GREB1L: variants seen among roughly 807,000 people sequenced by gnomAD.
The protein encoded by GREB1L is GREB1 like retinoic acid receptor coactivator.
In GREB1L, 17 loss-of-function variants were observed where a neutral mutation model predicts 200.8. The ratio of observed to expected loss-of-function variants is 0.08; its 90% CI spans 0.06 to 0.13. The LOEUF is 0.13. Ranked by LOEUF, GREB1L falls within the 10% of genes least tolerant of loss-of-function variation. The pLI is 1.00. For missense variants in GREB1L, 1,657 were observed against 2,367.7 expected (o/e 0.70, Z 6.23); for synonymous variants, 789 against 893.0 (o/e 0.88, Z 2.08).
intron 1 of GREB1L, among the ~76,000 whole-genome samples, chr18:21,301,615 G>A (rs1014752797): frequency 6.6e-6 from 1 of 152,102 alleles, no homozygotes; most frequent in Non-Finnish European, 1.5e-5. Flanking sequence ...GGTTTCTTAT[G>A]GCCATCTTTC....
intron 1 of GREB1L, among the ~76,000 whole-genome samples, chr18:21,327,388 C>G (rs1262696111): frequency 2.0e-5 from 3 of 152,172 alleles, no homozygotes; most frequent in Non-Finnish European, 2.9e-5. Flanking sequence ...CCTGTCGACT[C>G]AGCATCCTAC....
intron 1 of GREB1L, among the ~76,000 whole-genome samples, chr18:21,255,607 A>G (rs1311755920): frequency 3.3e-5 from 5 of 152,218 alleles, no homozygotes; most frequent in African/African-American, 1.2e-4. Flanking sequence ...AAAGATGAAG[A>G]ACACTGCTTT....
At chr18:21,244,547 C>T (rs1488868759) in intron 1 of GREB1L, among the ~76,000 whole-genome samples, 1 of 152,132 alleles carries the variant, frequency 6.6e-6, no homozygotes. Context: ...TTTAAGGGTC[C>T]TTCGAACTCC....
chr18:21,426,255 C>T (rs1204342761), intron 7 of GREB1L, among the ~76,000 whole-genome samples: 2 of 152,072 alleles, frequency 1.3e-5, no homozygotes, highest in East Asian at 3.9e-4. Context: ...ACGGGGGTTT[C>T]ACCATGTTAA....
In GREB1L at chr18:21,307,667, G is replaced by A. The variant is rs539402174; in HGVS notation, c.-119-58360G>A. Among the ~76,000 whole-genome samples, 24 of 152,060 alleles carry A rather than the reference G, an allele frequency of 1.6e-4. No individual in the cohort carries two copies. The East Asian group carries it at 2.1e-3, about 14-fold the overall frequency. ...TCCTCTACCCTAAGTCTCCCTACCC[G>A]GGAGGCTGTCTGTGAGGACCACAGT... is the stretch of plus-strand genomic sequence containing the variant. On this transcript the variant is annotated intron_variant, in intron 1 of 32. Coordinates refer to ENST00000424526, the MANE Select transcript of GREB1L (RefSeq NM_001142966.3).
At chr18:21,324,902 G>A (rs1434152005) in intron 1 of GREB1L, among the ~76,000 whole-genome samples, 3 of 152,224 alleles carry the variant, frequency 2.0e-5, no homozygotes, top group South Asian at 2.1e-4. Flanking sequence ...GTTAATTGCT[G>A]CATATGAGGA....
intron 2 of GREB1L, among the ~76,000 whole-genome samples, chr18:21,379,415 A>T (rs1312190322): frequency 6.6e-6 from 1 of 152,120 alleles, no homozygotes. Flanking sequence ...CATGTTGGTC[A>T]GGCTGGTCTC....
chr18:21,286,879 G>A (rs1295643647), intron 1 of GREB1L, among the ~76,000 whole-genome samples: 1 of 152,190 alleles, frequency 6.6e-6, no homozygotes. Context: ...ACTCCTGAAT[G>A]CAAGCCACCC....
At chr18:21,244,614 G>A (rs1367709454) in intron 1 of GREB1L, among the ~76,000 whole-genome samples, 1 of 152,224 alleles carries the variant, frequency 6.6e-6, no homozygotes, top group Non-Finnish European at 1.5e-5. Flanking sequence ...CCATTGGACT[G>A]TGGATGTTAG....
chr18:21,504,162 G>A (rs1264865996), intron 23 of GREB1L, among the ~76,000 whole-genome samples: 1 of 152,116 alleles, frequency 6.6e-6, no homozygotes, highest in Non-Finnish European at 1.5e-5. Flanking sequence ...GACCTCAAAT[G>A]ATCTGCCTGC....
intron 17 of GREB1L, among the ~76,000 whole-genome samples, chr18:21,483,196 C>T (rs1326549236): frequency 3.9e-5 from 6 of 152,272 alleles, no homozygotes; most frequent in African/African-American, 1.4e-4. Context: ...TGCATCGTAT[C>T]CAGCAGTTCT....
intron 1 of GREB1L, among the ~76,000 whole-genome samples, chr18:21,359,765 T>A (rs560271606): frequency 8.5e-5 from 13 of 152,354 alleles, no homozygotes; most frequent in African/African-American, 2.9e-4. Context: ...TCCTCTGTGG[T>A]ACATCAATTA....
chr18:21,514,720 G>A (rs372524021), intron 28 of GREB1L, among the ~76,000 whole-genome samples: 3 of 152,166 alleles, frequency 2.0e-5, no homozygotes, highest in African/African-American at 7.2e-5. Flanking sequence ...TACCAAGTGT[G>A]AGCCACCACA....
At chr18:21,501,248 GTT>G (rs1189394790) in intron 23 of GREB1L, among the ~76,000 whole-genome samples, 59 of 141,202 alleles carry the variant, frequency 4.2e-4, no homozygotes, top group Admixed American at 4.0e-3. Flanking sequence ...TTTTTGGGCT[GTT>G]TTTTTTTTTT....
chr18:21,395,793 A>T (rs573871145), intron 5 of GREB1L, among the ~76,000 whole-genome samples: 254 of 147,370 alleles, frequency 1.7e-3, no homozygotes, highest in African/African-American at 5.9e-3. Flanking sequence ...GCAATGGTGC[A>T]GTCTAGGCTC....
In GREB1L at chr18:21,426,988, C is replaced by CA. The variant is rs58330283; in HGVS notation, c.833-12521dup. On this transcript the variant is annotated intron_variant, in intron 7 of 32. Coordinates refer to ENST00000424526, the MANE Select transcript of GREB1L (RefSeq NM_001142966.3). ...AAAAAAAAAACAAAAAAAAAAAAAA[C>CA]AAAAAAAAAAAACTGTTTTGGCTAT... Among the ~76,000 whole-genome samples the CA allele has an allele frequency of 1.2e-3, 136 of 117,628 alleles. 1 individual carries two copies. Among genetic ancestry groups the CA allele is most frequent in the Middle Eastern group, 4.6e-3 (1 of 218 alleles). The allele number at this position is 117,628 out of a possible 152,430, so 77.2% of individuals were successfully genotyped here. A position where few individuals can be genotyped will look rare whatever the true frequency, so the allele number is the denominator to read the frequency against.
chr18:21,273,779 G>A (rs973558779), intron 1 of GREB1L, among the ~76,000 whole-genome samples: 1 of 152,134 alleles, frequency 6.6e-6, no homozygotes, highest in Non-Finnish European at 1.5e-5. Context: ...TTGACACACG[G>A]GAGGAACTGA....
intron 1 of GREB1L, among the ~76,000 whole-genome samples, chr18:21,287,888 G>C (rs1339407944): frequency 6.7e-6 from 1 of 148,522 alleles, no homozygotes; most frequent in Non-Finnish European, 1.5e-5. Context: ...TCCGCCTCCC[G>C]GGTTCAAGTG....
At chr18:21,265,034 A>T (rs540763914) in intron 1 of GREB1L, among the ~76,000 whole-genome samples, 1 of 152,238 alleles carries the variant, frequency 6.6e-6, no homozygotes, top group African/African-American at 2.4e-5. Flanking sequence ...TTTCCATCTC[A>T]TTGTCAAGTA....
Sources: allele counts gnomAD v4.1 joint callset (sites outside exome capture counted in the v4.1 genomes callset), GRCh38; gene constraint gnomAD v4.1.1; transcripts MANE v1.5; gene names NCBI Gene and HGNC (gene_info 2026-07-23, HGNC 2026-07-21).